LDLRAP1: variants seen among roughly 807,000 people sequenced by gnomAD.
LDLRAP1 encodes low density lipoprotein receptor adapter protein 1.
LDLRAP1 carries 30 observed loss-of-function variants against 37.8 expected under a neutral mutation model. That is an observed-to-expected ratio of 0.79 (90% confidence interval 0.59 to 1.08). LDLRAP1 has a LOEUF of 1.08. LDLRAP1 is among the 50% of genes least tolerant of loss of function. LDLRAP1 has a pLI of 0.00. For missense variants in LDLRAP1, 375 were observed against 401.6 expected, an observed-to-expected ratio of 0.93 and a Z score of 0.57; for synonymous variants, 156 against 169.8, an observed-to-expected ratio of 0.92 and a Z score of 0.63.
Position 25,554,069 on chromosome 1 carries a change from G to A in LDLRAP1, c.231+5G>A, listed in dbSNP as rs1244184430. 2 of 1,613,666 alleles carry A rather than the reference G, an allele frequency of 1.2e-6. No homozygotes were observed. The highest frequency in any genetic ancestry group is 4.5e-5 in the East Asian group (2 of 44,878). On this transcript the variant is annotated splice_donor_5th_base_variant and intron_variant, in intron 2 of 8. Coordinates refer to ENST00000374338, the MANE Select transcript of LDLRAP1 (RefSeq NM_015627.3). The surrounding 1 kb of genome is among the most constrained non-coding windows in gnomAD (Gnocchi z 5.4). ...ATCAAGAGGATCGTGGCTACAGTGA[G>A]CACCCCAGTCAGGAAGGGTGGGGGA...
chr1:25,565,544 C>T (rs1472560717), intron 8 of LDLRAP1, among the ~76,000 whole-genome samples: 1 of 142,390 alleles, frequency 7.0e-6, no homozygotes, highest in Non-Finnish European at 1.6e-5. Context: ...CAAAAATGGG[C>T]TTTTTTTTTT....
Position 25,554,090 on chromosome 1 carries a change from G to C in LDLRAP1, c.231+26G>C, listed in dbSNP as rs1409681130. ...GTGAGCACCCCAGTCAGGAAGGGTGGGGGAACCAGGGACCAAGGACCAGCT... is the reference window on the plus strand; with the variant it reads ...GTGAGCACCCCAGTCAGGAAGGGTGCGGGAACCAGGGACCAAGGACCAGCT... On this transcript the variant is annotated intron_variant, in intron 2 of 8. Coordinates refer to ENST00000374338, the MANE Select transcript of LDLRAP1 (RefSeq NM_015627.3). The surrounding 1 kb of genome is among the most constrained non-coding windows in gnomAD (Gnocchi z 5.4). The C allele has an allele frequency of 6.2e-7, 1 of 1,612,358 alleles. No homozygotes were observed. The highest frequency in any genetic ancestry group is 1.3e-5 in the African/African-American group (1 of 75,056).
chr1:25,562,922 A>T, intron 5 of LDLRAP1, 148 bp from the exon 6 acceptor site: 2 of 870,286 alleles, frequency 2.3e-6, no homozygotes, highest in Non-Finnish European at 3.9e-6. Context: ...GTGAGGATTA[A>T]CTGACATCCG....
the LDLRAP1 span, among the ~76,000 whole-genome samples, chr1:25,578,522 T>G: frequency 3.9e-5 from 6 of 152,104 alleles, no homozygotes; most frequent in Non-Finnish European, 8.8e-5. Context: ...CTTTTTTTTT[T>G]TCCTTAAGAC....
At chr1:25,550,809 T>C (rs2044055047) in intron 1 of LDLRAP1, among the ~76,000 whole-genome samples, 1 of 151,854 alleles carries the variant, frequency 6.6e-6, no homozygotes, top group Non-Finnish European at 1.5e-5. Flanking sequence ...AGGGGAAGGG[T>C]CAGGCCAGGG....
chr1:25,563,191 G>A, intron 6 of LDLRAP1, 38 bp downstream of exon 6: 1 of 1,585,390 alleles, frequency 6.3e-7, no homozygotes, highest in Non-Finnish European at 8.7e-7. Flanking sequence ...GCCATGCGGT[G>A]TTGGGGTTGC....
rs767937003 is a variant in LDLRAP1, at chr1:25,557,281, G to A, written c.459+14G>A. The A allele has an allele frequency of 4.4e-6, 7 of 1,595,658 alleles. No homozygotes were observed. Among genetic ancestry groups the A allele is most frequent in the South Asian group, 2.2e-5 (2 of 90,734 alleles). On this transcript the variant is annotated intron_variant, in intron 4 of 8. Transcript: ENST00000374338. Reference sequence around the variant, plus strand: ...AAGCGGAAGATGGTCAGCGGGGAGGGCTGGGGCGGGGACAGGGTCCAGTGG... The same window carrying A: ...AAGCGGAAGATGGTCAGCGGGGAGGACTGGGGCGGGGACAGGGTCCAGTGG...
Position 25,566,976 on chromosome 1 carries a change from A to C in LDLRAP1, c.911A>C (p.Asp304Ala). ...KPDSSGTEQD[D>A]LFSF is the part of the protein sequence containing the mutation. ...GACAGCAGCGGCACAGAGCAGGATG[A>C]CCTCTTCAGCTTCTGAGGGCCCGGG... The change falls in exon 9 of 9, where the codon GAC becomes GCC. Residue 304 changes from aspartate to alanine, a missense_variant. Coordinates refer to ENST00000374338, the MANE Select transcript of LDLRAP1 (RefSeq NM_015627.3). 1 of 1,613,246 alleles carries C rather than the reference A, an allele frequency of 6.2e-7. No individual in the cohort carries two copies. Among genetic ancestry groups the C allele is most frequent in the East Asian group, 2.2e-5 (1 of 44,860 alleles).
At chr1:25,585,605 G>A in the LDLRAP1 span, among the ~76,000 whole-genome samples, 1,530 of 152,330 alleles carry the variant, frequency 0.01, 8 homozygotes, top group Middle Eastern at 0.027. Context: ...GATTACAGGC[G>A]TGAGCCACTG....
the LDLRAP1 span, among the ~76,000 whole-genome samples, chr1:25,577,897 C>A: frequency 6.6e-6 from 1 of 152,208 alleles, no homozygotes; most frequent in African/African-American, 2.4e-5. Context: ...CACGTCAGTG[C>A]GTGTGCACCA....
rs1225714289 is a variant in LDLRAP1 at position 25,553,996 on chromosome 1, A to G, written c.163A>G (p.Met55Val). ...GMLFSLKYLG[M>V]TLVEQPKGEE... Reference sequence around the variant, plus strand: ...GCTGTTCAGCCTCAAGTACCTGGGCATGACGCTAGTGGAGCAGCCCAAGGG... The same window carrying G: ...GCTGTTCAGCCTCAAGTACCTGGGCGTGACGCTAGTGGAGCAGCCCAAGGG... The change falls in exon 2 of 9, where the codon ATG becomes GTG. Residue 55 changes from methionine to valine, a missense_variant. By Grantham distance (21) the Met-to-Val change is conservative (BLOSUM62 1). Transcript: ENST00000374338. The G allele has an allele frequency of 1.2e-6, 2 of 1,614,106 alleles. No homozygotes were observed. Among genetic ancestry groups the G allele is most frequent in the Non-Finnish European group, 8.5e-7 (1 of 1,180,018 alleles).
chr1:25,565,325 G>A, intron 8 of LDLRAP1, 118 bp downstream of exon 8: 2 of 1,111,570 alleles, frequency 1.8e-6, no homozygotes, highest in South Asian at 2.5e-5. Context: ...ACCCCCTCCA[G>A]AGCAACAGTC....
At chr1:25,561,893 T>C (rs2124686712) in intron 4 of LDLRAP1, among the ~76,000 whole-genome samples, 1 of 152,222 alleles carries the variant, frequency 6.6e-6, no homozygotes, top group South Asian at 2.1e-4. Context: ...TTCACATGCA[T>C]AGTGCCAGAG....
rs1328544430 is a variant in LDLRAP1 at position 25,555,344 on chromosome 1, C to T, written c.344+372C>T. On this transcript the variant is annotated intron_variant, in intron 3 of 8. Transcript: ENST00000374338. This position sits in a 1 kb window ranked among gnomAD's most constrained non-coding sequence, Gnocchi z 4.7. The stretch of plus-strand genomic sequence containing the variant: ...TCCTTCTGCTGTGAATGCAGCAGCT[C>T]AGCTCTGGGTATCTGGCCAGACATT... Among the ~76,000 whole-genome samples, 1 of 152,190 alleles carries T rather than the reference C, an allele frequency of 6.6e-6. No individual in the cohort carries two copies. The highest frequency in any genetic ancestry group is 1.5e-5 in the Non-Finnish European group (1 of 68,026).
chr1:25,544,554 A>C lies in LDLRAP1; in HGVS notation c.88+768A>C, dbSNP rs2043885297. On this transcript the variant is annotated intron_variant, in intron 1 of 8. Transcript: ENST00000374338. The surrounding 1 kb of genome is among the most constrained non-coding windows in gnomAD (Gnocchi z 4.8). ...CCAGGCAAACGACAGACTCGCCGCC[A>C]CCTCTCCCTGGGGCGTCTGGGAGGC... 6.6e-6 allele frequency among the ~76,000 whole-genome samples: 1 copy of C among 151,270 alleles called. No homozygotes were observed. Among genetic ancestry groups the C allele is most frequent in the African/African-American group, 2.4e-5 (1 of 41,114 alleles).
chr1:25,552,390 T>G (rs568463840), intron 1 of LDLRAP1, among the ~76,000 whole-genome samples: 1 of 152,148 alleles, frequency 6.6e-6, no homozygotes, highest in Non-Finnish European at 1.5e-5. Flanking sequence ...CCAGGACATC[T>G]CCCAGCCCCT....
At chr1:25,547,742 A>G (rs1459608405) in intron 1 of LDLRAP1, among the ~76,000 whole-genome samples, 1 of 152,184 alleles carries the variant, frequency 6.6e-6, no homozygotes, top group African/African-American at 2.4e-5. Flanking sequence ...AGTCAGCACA[A>G]CATGGAAATG....
At chr1:25,574,537 G>A in the LDLRAP1 span, among the ~76,000 whole-genome samples, 3 of 152,228 alleles carry the variant, frequency 2.0e-5, no homozygotes, top group Admixed American at 1.3e-4. Flanking sequence ...AGCTGCCTGG[G>A]TTTGGTGGTG....
At chr1:25,584,272 G>A in the LDLRAP1 span, among the ~76,000 whole-genome samples, 6 of 151,984 alleles carry the variant, frequency 3.9e-5, no homozygotes, top group African/African-American at 1.5e-4. Context: ...GCAGCAGTCC[G>A]CCCCATGGTT....
Sources: gnomAD v4.1 joint callset for allele counts (sites outside exome capture counted in the v4.1 genomes callset) on GRCh38, gnomAD v4.1.1 for gene constraint, Gnocchi (gnomAD v3.1) non-coding constraint, MANE v1.5 for transcripts, NCBI Gene and HGNC (gene_info 2026-07-23, HGNC 2026-07-21) for gene names.